The following EDA variants were observed in gnomAD, a reference collection of about 807,000 sequenced individuals.
EDA encodes the protein ectodysplasin A, also known as ectodysplasin-A.
Under a neutral mutation model 23.6 loss-of-function variants are expected in EDA, and 2 were observed. The observed-to-expected ratio is 0.08, with a 90% CI of 0.03 to 0.27. The LOEUF (loss-of-function observed/expected upper bound fraction) is 0.27. EDA is among the 10% of genes least tolerant of loss of function. The pLI is 1.00. For missense variants in EDA, 229 were observed against 324.2 expected (o/e 0.71, Z 2.26); for synonymous variants, 131 against 132.0 (o/e 0.99, Z 0.05).
intron 1 of EDA, chrX:69,937,267 C>T (rs1340885014): frequency 2.7e-6 from 2 of 728,455 alleles, no homozygotes; most frequent in Non-Finnish European, 4.4e-6. Flanking sequence ...TTGGCATCAT[C>T]AGTATGATCT....
intron 5 of EDA, 79 bp downstream of exon 5, chrX:70,029,617 G>A (rs1436837215): frequency 2.0e-6 from 2 of 1,022,841 alleles, no homozygotes; most frequent in African/African-American, 3.7e-5. Flanking sequence ...CTTCTTATTA[G>A]ATTTCCTGAG....
chrX:69,855,697 A>G (rs760080042), intron 1 of EDA, among the ~76,000 whole-genome samples: 25 of 111,685 alleles, frequency 2.2e-4, no homozygotes, highest in African/African-American at 8.1e-4. Context: ...TACCAGTACC[A>G]TGCTATTTTG....
intron 1 of EDA, among the ~76,000 whole-genome samples, chrX:69,773,594 TG>T (rs950272493): frequency 3.6e-5 from 4 of 111,645 alleles, no homozygotes; most frequent in East Asian, 2.8e-4. Flanking sequence ...TTTTTGTTGT[TG>T]TTTTTTTTTA....
rs374512086 is a variant in EDA at position 69,748,303 on chromosome X, A to G, written c.396+131599A>G. ...TGTTGAATCTGTAATAGGAAAAATC[A>G]CTGGAAATGAAAACCACACTCTTCT... On this transcript the variant is annotated intron_variant, in intron 1 of 7. Coordinates refer to ENST00000374552, the MANE Select transcript of EDA (RefSeq NM_001399.5). Among the ~76,000 whole-genome samples the G allele has an allele frequency of 3.0e-4, 33 of 111,298 alleles. No individual in the cohort carries two copies. In the East Asian group the frequency reaches 6.0e-3, roughly 20 times the overall value.
chrX:69,903,619 A>T (rs1204730508), intron 1 of EDA, among the ~76,000 whole-genome samples: 1 of 108,785 alleles, frequency 9.2e-6, no homozygotes, highest in South Asian at 4.0e-4. Flanking sequence ...ACACACACAC[A>T]TATCTTGGGG....
At chrX:69,791,601 A>C (rs1238649402) in intron 1 of EDA, among the ~76,000 whole-genome samples, 1 of 112,430 alleles carries the variant, frequency 8.9e-6, no homozygotes, top group Non-Finnish European at 1.9e-5. Context: ...GCTAATAGAC[A>C]AATACTAATT....
chrX:69,830,065 TC>T (rs1044541375), intron 1 of EDA, among the ~76,000 whole-genome samples: 3 of 97,096 alleles, frequency 3.1e-5, no homozygotes, highest in African/African-American at 1.1e-4. Context: ...CCATTAGTCT[TC>T]CGGCTCCTTT....
chrX:69,982,384 A>G (rs1255368145), intron 2 of EDA, among the ~76,000 whole-genome samples: 5 of 111,453 alleles, frequency 4.5e-5, no homozygotes, highest in Non-Finnish European at 7.5e-5. Context: ...AGCGTTGCAT[A>G]GAAAGAGAAC....
chrX:69,682,530 G>A (rs1287125225), intron 1 of EDA, among the ~76,000 whole-genome samples: 7 of 112,305 alleles, frequency 6.2e-5, no homozygotes, highest in East Asian at 5.6e-4. Context: ...CTCGTGCGCC[G>A]TTTTTTAAGC....
At chrX:69,874,030 G>A (rs1015882197) in intron 1 of EDA, among the ~76,000 whole-genome samples, 3 of 112,180 alleles carry the variant, frequency 2.7e-5, no homozygotes, top group Admixed American at 9.4e-5. Flanking sequence ...TATGTAAGTC[G>A]CTGGGCACGG....
At chrX:69,866,029 G>A (rs184737554) in intron 1 of EDA, among the ~76,000 whole-genome samples, 41 of 112,085 alleles carry the variant, frequency 3.7e-4, no homozygotes, top group African/African-American at 1.0e-3. Flanking sequence ...TGGTCATGTG[G>A]TCGTAGCTGG....
intron 1 of EDA, among the ~76,000 whole-genome samples, chrX:69,802,849 A>C (rs1381109840): frequency 8.9e-6 from 1 of 111,969 alleles, no homozygotes; most frequent in African/African-American, 3.2e-5. Flanking sequence ...CTAAAGTAAA[A>C]CTTACAATGT....
chrX:69,917,999 C>T (rs1240767448), intron 1 of EDA, among the ~76,000 whole-genome samples: 1 of 110,499 alleles, frequency 9.0e-6, no homozygotes, highest in Non-Finnish European at 1.9e-5. Context: ...TTGAAAAAGG[C>T]AAAAGAATAT....
intron 1 of EDA, among the ~76,000 whole-genome samples, chrX:69,946,102 A>T (rs966599541): frequency 5.4e-5 from 6 of 111,212 alleles, no homozygotes; most frequent in Non-Finnish European, 1.1e-4. Flanking sequence ...TGGTGATTCT[A>T]GTGTTATAGT....
chrX:69,865,308 A>G (rs1246856979), intron 1 of EDA, among the ~76,000 whole-genome samples: 2 of 110,579 alleles, frequency 1.8e-5, no homozygotes, highest in African/African-American at 6.6e-5. Context: ...ACTCCCATAT[A>G]TATACATACA....
chrX:69,835,284 C>G (rs1383634509), intron 1 of EDA, among the ~76,000 whole-genome samples: 3 of 111,829 alleles, frequency 2.7e-5, no homozygotes, highest in African/African-American at 9.7e-5. Context: ...GGGAAGTTCT[C>G]CTGGATAATA....
intron 1 of EDA, among the ~76,000 whole-genome samples, chrX:69,824,294 G>A (rs963475949): frequency 1.8e-5 from 2 of 110,123 alleles, no homozygotes; most frequent in Admixed American, 9.7e-5. Context: ...TGGGCAGTAT[G>A]GCCATTTTCA....
At chrX:69,664,964 G>A (rs1933634595) in intron 1 of EDA, among the ~76,000 whole-genome samples, 1 of 111,828 alleles carries the variant, frequency 8.9e-6, no homozygotes, top group African/African-American at 3.2e-5. Flanking sequence ...CCATGCCTGT[G>A]GCAACATTGT....
intron 2 of EDA, among the ~76,000 whole-genome samples, chrX:69,990,526 T>TG (rs1270972349): frequency 1.8e-5 from 2 of 111,119 alleles, no homozygotes; most frequent in African/African-American, 6.6e-5. Flanking sequence ...CCTTCTCTGA[T>TG]ACCACATCAG....
Sources: allele counts gnomAD v4.1 joint callset (sites outside exome capture counted in the v4.1 genomes callset), GRCh38; gene constraint gnomAD v4.1.1; transcripts MANE v1.5; gene names NCBI Gene and HGNC (gene_info 2026-07-23, HGNC 2026-07-21).